CCDC92B: variants seen among roughly 807,000 people sequenced by gnomAD.
CCDC92B encodes coiled-coil domain-containing 92B.
A neutral mutation model predicts 5.6 loss-of-function variants in CCDC92B; 2 were observed. The ratio of observed to expected loss-of-function variants is 0.36; its 90% CI spans 0.15 to 1.12. The LOEUF (loss-of-function observed/expected upper bound fraction) is 1.12. Among genes scored for constraint, CCDC92B ranks in the 50% most tolerant of loss-of-function variants. The probability of loss-of-function intolerance (pLI) is 0.40; values close to 1 mark genes in which losing one functional copy is unlikely to be tolerated. For synonymous variants in CCDC92B, 115 were observed against 122.3 expected (o/e 0.94, Z 0.39); for missense variants, 271 against 262.2 (o/e 1.03, Z -0.23).
chr17:2,747,619 C>T (rs563135435), intron 1 of CCDC92B, among the ~76,000 whole-genome samples: 1 of 152,174 alleles, frequency 6.6e-6, no homozygotes, highest in South Asian at 2.1e-4. Flanking sequence ...ACCAGCTACT[C>T]GGGAGGCTGA....
intron 3 of CCDC92B, among the ~76,000 whole-genome samples, chr17:2,727,720 A>T (rs1164880749): frequency 2.0e-5 from 3 of 151,324 alleles, no homozygotes; most frequent in Non-Finnish European, 4.4e-5. Flanking sequence ...GCTACTTGGG[A>T]GGCTGAAGTA....
intron 1 of CCDC92B, among the ~76,000 whole-genome samples, chr17:2,742,979 T>C (rs182673017): frequency 2.8e-3 from 424 of 152,286 alleles, no homozygotes; most frequent in Admixed American, 6.2e-3. Flanking sequence ...TCAAAAAACA[T>C]ATCCCAAAGC....
At chr17:2,727,510 G>A (rs1043509277) in intron 3 of CCDC92B, among the ~76,000 whole-genome samples, 1 of 152,182 alleles carries the variant, frequency 6.6e-6, no homozygotes, top group Non-Finnish European at 1.5e-5. Flanking sequence ...ACCCTGGAAG[G>A]ATGAAAATCA....
In CCDC92B at chr17:2,725,061, G is replaced by A. The variant is rs1031820475; in HGVS notation, c.179-61C>T. ...CCCTGGCTTGGAACAGAACCTGCACGGCTCAGAGCTCCGTGTAACAAAACC... is the reference window on the plus strand; with the variant it reads ...CCCTGGCTTGGAACAGAACCTGCACAGCTCAGAGCTCCGTGTAACAAAACC... On this transcript the variant is annotated intron_variant, in intron 3 of 3. Coordinates refer to ENST00000614400, the MANE Select transcript of CCDC92B (RefSeq NM_001355573.2). 5.1e-6 allele frequency: 5 copies of A among 985,196 alleles called. No individual in the cohort carries two copies. In the African/African-American group the frequency reaches 7.0e-5, roughly 14 times the overall value. 61.0% of individuals were successfully genotyped at this position (985,196 alleles called of 1,614,324 possible).
chr17:2,739,182 A>G (rs1360671088), intron 1 of CCDC92B, among the ~76,000 whole-genome samples: 1 of 151,056 alleles, frequency 6.6e-6, no homozygotes, highest in East Asian at 2.0e-4. Context: ...CCTGGCTAAC[A>G]TGGTAGAACC....
Position 2,724,584 on chromosome 17 carries a change from C to A in CCDC92B, c.595G>T (p.Gly199Cys), listed in dbSNP as rs2070701762. Residue 199 changes from glycine to cysteine, a missense_variant, in exon 4 of 4, where the codon GGC (glycine) becomes TGC (cysteine). Physicochemically the swap from Gly to Cys is radical, Grantham distance 159. Transcript: ENST00000614400. The surrounding 1 kb of genome is among the most constrained non-coding windows in gnomAD (Gnocchi z 5.0). The part of the protein sequence containing the change: ...RDWAAWDRGA[G>C]ALDDADPMPD... ...ATGGGGTCGGCGTCGTCGAGGGCGC[C>A]GGCCCCGCGGTCCCAGGCGGCCCAG... The A allele has an allele frequency of 9.2e-6, 9 of 981,912 alleles. No homozygotes were observed. Among genetic ancestry groups the A allele is most frequent in the Non-Finnish European group, 1.1e-5 (9 of 828,490 alleles). 60.8% of individuals were successfully genotyped at this position (981,912 alleles called of 1,614,324 possible).
Position 2,724,529 on chromosome 17 carries a change from C to T in CCDC92B, c.650G>A (p.Arg217His). The T allele has an allele frequency of 7.1e-6, 7 of 982,384 alleles. No homozygotes were observed. Among genetic ancestry groups the T allele is most frequent in the Non-Finnish European group, 8.4e-6 (7 of 828,790 alleles). 60.9% of individuals were successfully genotyped at this position (982,384 alleles called of 1,614,324 possible). A position where few individuals can be genotyped will look rare whatever the true frequency, so the allele number is the denominator to read the frequency against. ...MPDPALFLYARRPLRPSARSP... is the reference protein window; with the variant it reads ...MPDPALFLYAHRPLRPSARSP... ...GCGGGCGCTGGGCCGCAGCGGCCTGCGTGCATAGAGGAAGAGCGCGGGGTC... is the reference window on the plus strand; with the variant it reads ...GCGGGCGCTGGGCCGCAGCGGCCTGTGTGCATAGAGGAAGAGCGCGGGGTC... The change falls in exon 4 of 4, where the codon CGC (arginine) becomes CAC (histidine). Residue 217 changes from arginine to histidine, a missense_variant. By Grantham distance (29) the Arg-to-His change is conservative. Transcript: ENST00000614400. This position sits in a 1 kb window ranked among gnomAD's most constrained non-coding sequence, Gnocchi z 5.0.
rs182559466 is a variant in CCDC92B, at chr17:2,746,490, C to G, written c.-24+2921G>C. Among the ~76,000 whole-genome samples the G allele has an allele frequency of 5.9e-5, 9 of 152,218 alleles. No homozygotes were observed. The East Asian group carries it at 1.7e-3, about 29-fold the overall frequency. ...GCTTCTGTGCTCAGGTCCCCAAACA[C>G]GGGTAGAGTGTCAGACTCAGGAACC... On this transcript the variant is annotated intron_variant, in intron 1 of 3. Coordinates refer to ENST00000614400, the MANE Select transcript of CCDC92B (RefSeq NM_001355573.2).
At chr17:2,733,743 G>GTTT (rs1567614345) in intron 2 of CCDC92B, among the ~76,000 whole-genome samples, 12 of 81,558 alleles carry the variant, frequency 1.5e-4, no homozygotes, top group Admixed American at 6.2e-4. Context: ...AGGACCACTG[G>GTTT]CTTTTTTTTT....
intron 1 of CCDC92B, among the ~76,000 whole-genome samples, chr17:2,743,491 C>T (rs2151745281): frequency 6.6e-6 from 1 of 152,304 alleles, no homozygotes; most frequent in African/African-American, 2.4e-5. Context: ...ACTCAAAATC[C>T]TCTGTGTGGC....
chr17:2,740,562 C>A (rs2070914439), intron 1 of CCDC92B, among the ~76,000 whole-genome samples: 1 of 151,818 alleles, frequency 6.6e-6, no homozygotes, highest in East Asian at 1.9e-4. Flanking sequence ...ACTCAGGAGG[C>A]TGAAGCAGGA....
At position 2,724,019 on chromosome 17, in the gene CCDC92B, C is replaced by G. The variant is rs953453742; in HGVS notation, c.*392G>C. Reference sequence around the variant, plus strand: ...TAGAGGGCCTGGGGCGCCAATGCCACTCTGCGTCCCTTTCCGTAGGCGAGC... The same window carrying G: ...TAGAGGGCCTGGGGCGCCAATGCCAGTCTGCGTCCCTTTCCGTAGGCGAGC... On this transcript the variant is annotated 3_prime_UTR_variant, in exon 4 of 4. Transcript: ENST00000614400. This position sits in a 1 kb window ranked among gnomAD's most constrained non-coding sequence, Gnocchi z 5.0. The G allele has an allele frequency of 1.0e-6, 1 of 984,364 alleles. No homozygotes were observed. 61.0% of individuals were successfully genotyped at this position (984,364 alleles called of 1,614,324 possible).
At chr17:2,740,496 C>T in intron 1 of CCDC92B, among the ~76,000 whole-genome samples, 1 of 151,722 alleles carries the variant, frequency 6.6e-6, no homozygotes, top group East Asian at 1.9e-4. Context: ...AATACTGTCT[C>T]TACTAAAAAT....
chr17:2,736,963 G>A (rs1317213769), intron 1 of CCDC92B, among the ~76,000 whole-genome samples: 2 of 151,488 alleles, frequency 1.3e-5, no homozygotes, highest in Non-Finnish European at 2.9e-5. Context: ...AAATAGGAGA[G>A]GGGAAGAGAG....
In CCDC92B at chr17:2,723,846, G is replaced by A. The variant is rs920697055; in HGVS notation, c.*565C>T. ...GCTCTGGGAGGACGTGTCTTCTAAAGTGTTCCGTGCTCACCTGCAAGGACC... is the reference window on the plus strand; with the variant it reads ...GCTCTGGGAGGACGTGTCTTCTAAAATGTTCCGTGCTCACCTGCAAGGACC... On this transcript the variant is annotated 3_prime_UTR_variant, in exon 4 of 4. Transcript: ENST00000614400. The A allele has an allele frequency of 3.6e-6, 2 of 562,670 alleles. No individual in the cohort carries two copies. The highest frequency in any genetic ancestry group is 1.4e-4 in the East Asian group (1 of 6,908). 34.9% of individuals were successfully genotyped at this position (562,670 alleles called of 1,614,324 possible). A position where few individuals can be genotyped will look rare whatever the true frequency, so the allele number is the denominator to read the frequency against.
intron 1 of CCDC92B, among the ~76,000 whole-genome samples, chr17:2,736,609 G>A (rs1011284964): frequency 8.6e-5 from 13 of 151,712 alleles, no homozygotes; most frequent in Non-Finnish European, 8.8e-5. Flanking sequence ...GGCCGGACTC[G>A]GTGGTTCACG....
intron 3 of CCDC92B, among the ~76,000 whole-genome samples, chr17:2,729,337 C>CA (rs899269577): frequency 2.6e-5 from 4 of 151,826 alleles, no homozygotes; most frequent in Admixed American, 6.6e-5. Context: ...CTAAGAAATA[C>CA]AAAAAATTAG....
At chr17:2,743,496 T>A (rs2070948209) in intron 1 of CCDC92B, among the ~76,000 whole-genome samples, 1 of 152,208 alleles carries the variant, frequency 6.6e-6, no homozygotes, top group Non-Finnish European at 1.5e-5. Flanking sequence ...AAATCCTCTG[T>A]GTGGCTTTCC....
intron 3 of CCDC92B, among the ~76,000 whole-genome samples, chr17:2,729,440 G>T (rs2070770381): frequency 6.8e-6 from 1 of 147,054 alleles, no homozygotes; most frequent in South Asian, 2.1e-4. Context: ...GTTGCAGTGA[G>T]CCGAGATCGT....
Sources: gnomAD v4.1 joint callset for allele counts (sites outside exome capture counted in the v4.1 genomes callset) on GRCh38, gnomAD v4.1.1 for gene constraint, Gnocchi (gnomAD v3.1) non-coding constraint, MANE v1.5 for transcripts, NCBI Gene and HGNC (gene_info 2026-07-23, HGNC 2026-07-21) for gene names.